The following KMT2C variants were observed in gnomAD, a reference collection of about 807,000 sequenced individuals.
KMT2C encodes histone-lysine N-methyltransferase 2C.
KMT2C carries 88 observed loss-of-function variants against 507.9 expected under a neutral mutation model. The ratio of observed to expected loss-of-function variants is 0.17; its 90% CI spans 0.15 to 0.21. KMT2C has a LOEUF of 0.21. KMT2C is among the 10% of genes least tolerant of loss of function. The probability of loss-of-function intolerance (pLI) is 1.00; values close to 1 mark genes in which losing one functional copy is unlikely to be tolerated. For synonymous variants in KMT2C, 2,049 were observed against 2,080.8 expected (o/e 0.98, Z 0.42); for missense variants, 4,954 against 5,957.8 (o/e 0.83, Z 5.55).
At chr7:152,254,938 A>G (rs1326168140) in intron 9 of KMT2C, among the ~76,000 whole-genome samples, 1 of 151,818 alleles carries the variant, frequency 6.6e-6, no homozygotes, top group African/African-American at 2.4e-5. Context: ...AACCCCATTT[A>G]TAACAGCAGA....
intron 23 of KMT2C, among the ~76,000 whole-genome samples, chr7:152,212,567 T>C (rs1308394858): frequency 1.3e-5 from 2 of 151,738 alleles, no homozygotes; most frequent in Non-Finnish European, 2.9e-5. Flanking sequence ...AGTAGCAGGA[T>C]ACAAAATCAA....
chr7:152,262,151 C>A (rs1026620783), intron 9 of KMT2C, among the ~76,000 whole-genome samples: 1 of 152,178 alleles, frequency 6.6e-6, no homozygotes, highest in Non-Finnish European at 1.5e-5. Flanking sequence ...CCTCCTCCCC[C>A]AGCTGGGGAC....
chr7:152,164,521 C>A (rs2092640911), intron 42 of KMT2C, among the ~76,000 whole-genome samples: 2 of 151,916 alleles, frequency 1.3e-5, no homozygotes, highest in African/African-American at 4.8e-5. Context: ...GATCTCCTGA[C>A]CTCGTGATCC....
At chr7:152,205,333 T>A in intron 24 of KMT2C, 108 bp from the exon 25 acceptor site, 1 of 696,208 alleles carries the variant, frequency 1.4e-6, no homozygotes, top group Non-Finnish European at 2.2e-6. Flanking sequence ...TTTCCAAAAT[T>A]AAATCTGTGC....
chr7:152,354,982 A>T (rs1173720113), intron 2 of KMT2C, among the ~76,000 whole-genome samples: 2 of 152,230 alleles, frequency 1.3e-5, no homozygotes, highest in African/African-American at 4.8e-5. Context: ...TGGAATGAAA[A>T]GGAAAAAGAC....
intron 1 of KMT2C, among the ~76,000 whole-genome samples, chr7:152,426,493 T>C (rs2097820845): frequency 6.6e-6 from 1 of 152,040 alleles, no homozygotes; most frequent in Non-Finnish European, 1.5e-5. Flanking sequence ...CACCTTTGCT[T>C]CCCAAAGCAC....
At chr7:152,325,968 T>C (rs940896180) in intron 3 of KMT2C, among the ~76,000 whole-genome samples, 1 of 152,028 alleles carries the variant, frequency 6.6e-6, no homozygotes, top group Admixed American at 6.5e-5. Context: ...TGAAAGAGAC[T>C]TCCTTCCTCA....
intron 9 of KMT2C, among the ~76,000 whole-genome samples, chr7:152,257,950 T>C (rs1297551354): frequency 6.6e-6 from 1 of 152,118 alleles, no homozygotes; most frequent in Non-Finnish European, 1.5e-5. Flanking sequence ...TTCAAAGCCA[T>C]CCTGGACCAC....
At chr7:152,166,184 G>A (rs547843787) in intron 42 of KMT2C, among the ~76,000 whole-genome samples, 11 of 148,594 alleles carry the variant, frequency 7.4e-5, no homozygotes, top group South Asian at 4.2e-4. Flanking sequence ...GTACAGTGGC[G>A]CAAGCTCGGC....
intron 4 of KMT2C, 88 bp from the exon 5 acceptor site, chr7:152,312,034 T>C (rs2129200750): frequency 2.0e-6 from 2 of 1,006,308 alleles, no homozygotes; most frequent in East Asian, 2.6e-5. Context: ...TACTGCCAAA[T>C]CAATTTTAAT....
chr7:152,178,389 C>T (rs1425142160), intron 37 of KMT2C, among the ~76,000 whole-genome samples: 1 of 152,096 alleles, frequency 6.6e-6, no homozygotes, highest in African/African-American at 2.4e-5. Flanking sequence ...ATGGAGGAAG[C>T]TGATTCGGGG....
At chr7:152,351,161 T>A (rs988822853) in intron 2 of KMT2C, among the ~76,000 whole-genome samples, 1 of 152,198 alleles carries the variant, frequency 6.6e-6, no homozygotes, top group South Asian at 2.1e-4. Context: ...GTTTTACAGC[T>A]TTTTTGCTTA....
At chr7:152,163,849 T>C (rs2092586548) in intron 42 of KMT2C, 23 bp from the exon 43 acceptor site, 1 of 1,598,738 alleles carries the variant, frequency 6.3e-7, no homozygotes, top group African/African-American at 1.3e-5. Flanking sequence ...AATGCATCAT[T>C]ACTCATTTCT....
intron 22 of KMT2C, 149 bp from the exon 23 acceptor site, chr7:152,220,884 T>G (rs1211279213): frequency 7.9e-6 from 5 of 630,170 alleles, no homozygotes; most frequent in Non-Finnish European, 1.4e-5. Context: ...ATTAACTTCA[T>G]GATACCCAAT....
rs753019368 is a variant in KMT2C, at chr7:152,151,421, A to T, written c.12666+21T>A. The stretch of plus-strand genomic sequence containing the variant: ...TTCGCTGGAGGTAGGAGGTGGGGTC[A>T]TAAAAGGAGTAGCAAAGTACCTTGT... On this transcript the variant is annotated intron_variant, in intron 50 of 58. Coordinates refer to ENST00000262189, the MANE Select transcript of KMT2C (RefSeq NM_170606.3). 9 of 1,613,012 alleles carry T rather than the reference A, an allele frequency of 5.6e-6. No homozygotes were observed. In the Admixed American group the frequency reaches 1.5e-4, roughly 27 times the overall value.
chr7:152,386,322 A>G (rs2097425965), intron 1 of KMT2C, among the ~76,000 whole-genome samples: 1 of 152,312 alleles, frequency 6.6e-6, no homozygotes, highest in African/African-American at 2.4e-5. Context: ...GCTTCATAGA[A>G]GTTTTCATTA....
At position 152,285,579 on chromosome 7, in the gene KMT2C, G is replaced by A. The variant is rs191062138; in HGVS notation, c.850-11712C>T. Among the ~76,000 whole-genome samples the A allele has an allele frequency of 2.1e-3, 324 of 152,294 alleles. 2 individuals carry two copies. The highest frequency in any genetic ancestry group is 0.01 in the Middle Eastern group (3 of 294). On this transcript the variant is annotated intron_variant, in intron 6 of 58. Coordinates refer to ENST00000262189, the MANE Select transcript of KMT2C (RefSeq NM_170606.3). Reference sequence around the variant, plus strand: ...AAAATGTCTCAAATCTGAAGAAAACGTAAAAGCTAACTAATTGAAGTTACC... The same window carrying A: ...AAAATGTCTCAAATCTGAAGAAAACATAAAAGCTAACTAATTGAAGTTACC...
At chr7:152,204,872 A>G (rs2094256019) in intron 25 of KMT2C, among the ~76,000 whole-genome samples, 1 of 152,074 alleles carries the variant, frequency 6.6e-6, no homozygotes, top group African/African-American at 2.4e-5. Context: ...AATAAAGTCT[A>G]TTGGATTTAA....
intron 16 of KMT2C, among the ~76,000 whole-genome samples, chr7:152,232,254 G>A (rs2095141208): frequency 6.6e-6 from 1 of 152,194 alleles, no homozygotes; most frequent in Admixed American, 6.5e-5. Context: ...ATGACTACAA[G>A]TGTTAATAAT....
Sources: gnomAD v4.1 joint callset for allele counts (sites outside exome capture counted in the v4.1 genomes callset) on GRCh38, gnomAD v4.1.1 for gene constraint, MANE v1.5 for transcripts, NCBI Gene and HGNC (gene_info 2026-07-23, HGNC 2026-07-21) for gene names.